NRDE2: variants seen among roughly 807,000 people sequenced by gnomAD.
NRDE2 encodes the protein nuclear exosome regulator NRDE2.
In NRDE2, 76 loss-of-function variants were observed where a neutral mutation model predicts 124.2. The observed-to-expected ratio is 0.61, with a 90% CI of 0.51 to 0.74. NRDE2 has a LOEUF of 0.74. Ranked by LOEUF, NRDE2 falls within the 30% of genes least tolerant of loss-of-function variation. The pLI, the probability that NRDE2 is intolerant of heterozygous loss-of-function variation, is 0.00. For missense variants in NRDE2, 1,314 were observed against 1,417.3 expected, an observed-to-expected ratio of 0.93 and a Z score of 1.17; for synonymous variants, 489 against 528.1, an observed-to-expected ratio of 0.93 and a Z score of 1.01.
At chr14:90,287,967 A>G (rs11626933) in intron 11 of NRDE2, among the ~76,000 whole-genome samples, 38,405 of 152,076 alleles carry the variant, frequency 0.25, 5,478 homozygotes, top group Middle Eastern at 0.41. Context: ...TGCACACAGA[A>G]ACAACATTCA....
rs1240848959 is a variant in NRDE2 at position 90,278,461 on chromosome 14, C to A, written c.3370G>T (p.Val1124Leu). 8.7e-6 allele frequency: 14 copies of A among 1,613,996 alleles called. No homozygotes were observed. The highest frequency in any genetic ancestry group is 1.7e-4 in the Middle Eastern group (1 of 6,060). The change falls in exon 14 of 14, where the codon GTG becomes TTG. Residue 1124 changes from valine (V) to leucine (L), a missense_variant and splice_region_variant. Val to Leu is a conservative substitution (Grantham distance 32). Transcript: ENST00000354366. ...KALQNCPWAK[V>L]LYLDAVEYFP... Reference sequence around the variant, plus strand: ...TACTCCACGGCGTCCAGGTACAACACCTAGGGGGCAGGCAGGAAGGCCGCC... The same window carrying A: ...TACTCCACGGCGTCCAGGTACAACAACTAGGGGGCAGGCAGGAAGGCCGCC...
intron 4 of NRDE2, among the ~76,000 whole-genome samples, chr14:90,305,107 T>C (rs1205199443): frequency 6.6e-6 from 1 of 151,748 alleles, no homozygotes; most frequent in Non-Finnish European, 1.5e-5. Context: ...GGGCAAAAGA[T>C]CTGAACTGAA....
chr14:90,278,567 G>A lies in NRDE2; in HGVS notation c.3370-106C>T, dbSNP rs574617605. The stretch of plus-strand genomic sequence containing the variant: ...TTCCTGGTGACCCTGCCCTCCTGTC[G>A]CCCTCCACGGCCCCTGCTCCCCTTG... On this transcript the variant is annotated intron_variant, in intron 13 of 13. Transcript: ENST00000354366. 2.8e-5 allele frequency: 38 copies of A among 1,360,500 alleles called. No homozygotes were observed. The Admixed American group carries it at 3.9e-4, about 14-fold the overall frequency. 84.3% of individuals were successfully genotyped at this position (1,360,500 alleles called of 1,614,324 possible). A position where few individuals can be genotyped will look rare whatever the true frequency, so the allele number is the denominator to read the frequency against.
rs1031709803 is a variant in NRDE2 at position 90,268,486 on chromosome 14, A to C, written c.*9850T>G. ...ATAGCTCTTCTCTTGAGAATGAGCAATCTCAGGGGGCTCTCCCTATGGCCA... is the reference window on the plus strand; with the variant it reads ...ATAGCTCTTCTCTTGAGAATGAGCACTCTCAGGGGGCTCTCCCTATGGCCA... On this transcript the variant is annotated 3_prime_UTR_variant, in exon 14 of 14. Transcript: ENST00000354366. 2.8e-6 allele frequency: 4 copies of C among 1,412,476 alleles called. No homozygotes were observed. The African/African-American group carries it at 5.7e-5, about 20-fold the overall frequency. 87.5% of individuals were successfully genotyped at this position (1,412,476 alleles called of 1,614,324 possible).
chr14:90,275,879 A>G lies in NRDE2; in HGVS notation c.*2457T>C, dbSNP rs1306135700. ...ATCTTCACTTTTCCAATGCAAAATG[A>G]TATGTGTGCCTTACAAGTAGTAGCT... On this transcript the variant is annotated 3_prime_UTR_variant, in exon 14 of 14. Coordinates refer to ENST00000354366, the MANE Select transcript of NRDE2 (RefSeq NM_017970.4). 2.0e-5 allele frequency: 3 copies of G among 152,294 alleles called. No homozygotes were observed. Among genetic ancestry groups the G allele is most frequent in the Non-Finnish European group, 4.4e-5 (3 of 68,080 alleles). The allele number at this position is 152,294 out of a possible 1,614,324, so 9.4% of individuals were successfully genotyped here. A position where few individuals can be genotyped will look rare whatever the true frequency, so the allele number is the denominator to read the frequency against.
At position 90,288,782 on chromosome 14, in the gene NRDE2, G is replaced by A; in HGVS notation, c.2593C>T (p.Gln865Ter). 6.2e-7 allele frequency: 1 copy of A among 1,614,142 alleles called. No individual in the cohort carries two copies. ...TTCAAAATGTGAACAGCCAACACCT[G>A]TCCAGTGTAGGGCCCATAGGGGCTG... ...ESSPYGPYTGQVLAVHILKAR... is the reference protein window; with the variant it reads ...ESSPYGPYTG Residue 865 changes from glutamine (Q) to a stop codon, truncating the protein, a stop_gained, in exon 11 of 14, where the codon CAG (glutamine) becomes TAG (stop). Coordinates refer to ENST00000354366, the MANE Select transcript of NRDE2 (RefSeq NM_017970.4). LOFTEE classifies it high-confidence loss of function.
Position 90,274,004 on chromosome 14 carries a change from G to C in NRDE2, c.*4332C>G, listed in dbSNP as rs570398838. 1.3e-5 allele frequency: 2 copies of C among 154,978 alleles called. No individual in the cohort carries two copies. The highest frequency in any genetic ancestry group is 2.0e-4 in the South Asian group (1 of 4,924). The allele number at this position is 154,978 out of a possible 1,614,324, so 9.6% of individuals were successfully genotyped here. ...AATCTTCTTAATTTTTATCTGCAAAGTTCCTTTTGCCATGTAACATTCACA... is the reference window on the plus strand; with the variant it reads ...AATCTTCTTAATTTTTATCTGCAAACTTCCTTTTGCCATGTAACATTCACA... On this transcript the variant is annotated 3_prime_UTR_variant, in exon 14 of 14. Coordinates refer to ENST00000354366, the MANE Select transcript of NRDE2 (RefSeq NM_017970.4).
At chr14:90,326,491 ACT>A (rs1449977458) in intron 1 of NRDE2, among the ~76,000 whole-genome samples, 3 of 135,460 alleles carry the variant, frequency 2.2e-5, no homozygotes, top group Non-Finnish European at 4.7e-5. Flanking sequence ...ACAGAGCGAG[ACT>A]CTGTCTCAAA....
chr14:90,304,179 A>G lies in NRDE2; in HGVS notation c.761T>C (p.Ile254Thr), dbSNP rs775735350. The G allele has an allele frequency of 1.2e-6, 2 of 1,614,210 alleles. No homozygotes were observed. Among genetic ancestry groups the G allele is most frequent in the Admixed American group, 3.3e-5 (2 of 60,024 alleles). The stretch of plus-strand genomic sequence containing the variant: ...CGCATCTTCCAAGTCCTTCACTGGT[A>G]TAAAGGAGATGGGCTCAGATGAGGG... ...EPPSSEPISFIPVKDLEDAAP... is the reference protein window; with the variant it reads ...EPPSSEPISFTPVKDLEDAAP... Residue 254 changes from isoleucine to threonine, a missense_variant, in exon 5 of 14, where the codon ATA (isoleucine) becomes ACA (threonine). Coordinates refer to ENST00000354366, the MANE Select transcript of NRDE2 (RefSeq NM_017970.4).
rs1892180486 is a variant in NRDE2, at chr14:90,288,644, T to C, written c.2731A>G (p.Met911Val). 1.9e-6 allele frequency: 3 copies of C among 1,614,144 alleles called. No homozygotes were observed. Among genetic ancestry groups the C allele is most frequent in the Admixed American group, 1.7e-5 (1 of 60,018 alleles). The change falls in exon 11 of 14, where the codon ATG becomes GTG. Residue 911 changes from methionine (M) to valine (V), a missense_variant. By Grantham distance (21) the Met-to-Val change is conservative. Transcript: ENST00000354366. Reference sequence around the variant, plus strand: ...CCTATGGTCAAATACTGGAAGAGCATGAAGCATTTAGCCAGGCTAATTAGG... The same window carrying C: ...CCTATGGTCAAATACTGGAAGAGCACGAAGCATTTAGCCAGGCTAATTAGG... ...SRLISLAKCF[M>V]LFQYLTIGID...
At chr14:90,324,946 AT>A (rs1490391368) in intron 1 of NRDE2, among the ~76,000 whole-genome samples, 3 of 152,162 alleles carry the variant, frequency 2.0e-5, no homozygotes, top group African/African-American at 7.2e-5. Flanking sequence ...TCAGGGAGCA[AT>A]GGCAGGACTA....
rs1295795434 is a variant in NRDE2 at position 90,278,465 on chromosome 14, G to A, written c.3370-4C>T. 1.9e-6 allele frequency: 3 copies of A among 1,613,658 alleles called. No homozygotes were observed. The highest frequency in any genetic ancestry group is 2.2e-5 in the East Asian group (1 of 44,868). On this transcript the variant is annotated splice_polypyrimidine_tract_variant and splice_region_variant and intron_variant, in intron 13 of 13. Transcript: ENST00000354366. Reference sequence around the variant, plus strand: ...CCACGGCGTCCAGGTACAACACCTAGGGGGCAGGCAGGAAGGCCGCCCCAC... The same window carrying A: ...CCACGGCGTCCAGGTACAACACCTAAGGGGCAGGCAGGAAGGCCGCCCCAC...
chr14:90,331,717 A>C, intron 1 of NRDE2, 124 bp downstream of exon 1: 1 of 1,095,176 alleles, frequency 9.1e-7, no homozygotes, highest in Non-Finnish European at 1.4e-6. Context: ...AAGGCTTTGC[A>C]GCGCCGCGGA....
In NRDE2 at chr14:90,269,218, T is replaced by A. The variant is rs1891597374; in HGVS notation, c.*9118A>T. The A allele has an allele frequency of 1.7e-6, 1 of 602,518 alleles. No individual in the cohort carries two copies. Among genetic ancestry groups the A allele is most frequent in the Non-Finnish European group, 2.9e-6 (1 of 347,434 alleles). The allele number at this position is 602,518 out of a possible 1,614,324, so 37.3% of individuals were successfully genotyped here. A position where few individuals can be genotyped will look rare whatever the true frequency, so the allele number is the denominator to read the frequency against. On this transcript the variant is annotated 3_prime_UTR_variant, in exon 14 of 14. Coordinates refer to ENST00000354366, the MANE Select transcript of NRDE2 (RefSeq NM_017970.4). ...CAACACATAAATTTGGGGAAATACA[T>A]TCAGACCATGGCAAGGGGTGCTGAA... is the stretch of plus-strand genomic sequence containing the variant.
rs1891771969 is a variant in NRDE2 at position 90,274,968 on chromosome 14, T to G, written c.*3368A>C. 6.6e-6 allele frequency: 1 copy of G among 152,222 alleles called. No homozygotes were observed. Among genetic ancestry groups the G allele is most frequent in the Non-Finnish European group, 1.5e-5 (1 of 68,036 alleles). 9.4% of individuals were successfully genotyped at this position (152,222 alleles called of 1,614,324 possible). A position where few individuals can be genotyped will look rare whatever the true frequency, so the allele number is the denominator to read the frequency against. On this transcript the variant is annotated 3_prime_UTR_variant, in exon 14 of 14. Coordinates refer to ENST00000354366, the MANE Select transcript of NRDE2 (RefSeq NM_017970.4). The stretch of plus-strand genomic sequence containing the variant: ...CTGGAGATGCCCAGCAGACACCGTC[T>G]TCACCAAGTGGTCAAATGCACATCA...
At chr14:90,329,270 C>G (rs751119149) in intron 1 of NRDE2, among the ~76,000 whole-genome samples, 1 of 152,230 alleles carries the variant, frequency 6.6e-6, no homozygotes, top group African/African-American at 2.4e-5. Flanking sequence ...CAAGGCTCCT[C>G]TTTATGCCAC....
In NRDE2 at chr14:90,289,053, T is replaced by C; in HGVS notation, c.2322A>G (p.Pro774=). ...ACAGGCAAAAGTTGTTGCAGTTTTCTGGCTCCTTAAGGAGATTCTTGGCTA... is the reference window on the plus strand; with the variant it reads ...ACAGGCAAAAGTTGTTGCAGTTTTCCGGCTCCTTAAGGAGATTCTTGGCTA... ...KKLAKNLLKE[P]ENCNNFCLWK... The change falls in exon 11 of 14, where the codon CCA becomes CCG. Residue 774 remains proline, a synonymous_variant. Transcript: ENST00000354366. The C allele has an allele frequency of 6.2e-7, 1 of 1,614,196 alleles. No homozygotes were observed. The highest frequency in any genetic ancestry group is 8.5e-7 in the Non-Finnish European group (1 of 1,180,002).
At position 90,289,013 on chromosome 14, in the gene NRDE2, G is replaced by A. The variant is rs1253625221; in HGVS notation, c.2362C>T (p.His788Tyr). The A allele has an allele frequency of 5.0e-6, 8 of 1,614,042 alleles. No homozygotes were observed. The highest frequency in any genetic ancestry group is 6.8e-6 in the Non-Finnish European group (8 of 1,179,994). The change falls in exon 11 of 14, where the codon CAT (histidine) becomes TAT (tyrosine). Residue 788 changes from histidine to tyrosine, a missense_variant. Physicochemically the swap from His to Tyr is moderately conservative, Grantham distance 83 (BLOSUM62 2). Coordinates refer to ENST00000354366, the MANE Select transcript of NRDE2 (RefSeq NM_017970.4). ...GTGTTGCCAAGCAACCACTCCAGATGTGCATACTGCTTCCACAGGCAAAAG... is the reference window on the plus strand; with the variant it reads ...GTGTTGCCAAGCAACCACTCCAGATATGCATACTGCTTCCACAGGCAAAAG... The part of the protein sequence containing the change: ...NNFCLWKQYA[H>Y]LEWLLGNTED...
intron 2 of NRDE2, among the ~76,000 whole-genome samples, chr14:90,317,229 C>T (rs762879901): frequency 4.6e-5 from 7 of 151,856 alleles, no homozygotes; most frequent in Non-Finnish European, 7.4e-5. Flanking sequence ...GCCTGGGCAA[C>T]GTAGCAAGAC....
Sources: allele counts gnomAD v4.1 joint callset (sites outside exome capture counted in the v4.1 genomes callset), GRCh38; gene constraint gnomAD v4.1.1; transcripts MANE v1.5; gene names NCBI Gene and HGNC (gene_info 2026-07-23, HGNC 2026-07-21).